Variants in KHDRBS2 observed in about 807,000 individuals in gnomAD.
KHDRBS2 encodes the protein KH RNA binding domain containing, signal transduction associated 2, also known as KH domain-containing, RNA-binding, signal transduction-associated protein 2.
In KHDRBS2, 26 loss-of-function variants were observed where a neutral mutation model predicts 44.3. That is an observed-to-expected ratio of 0.59 (90% confidence interval 0.43 to 0.81). KHDRBS2 has a LOEUF of 0.81. Ranked by LOEUF, KHDRBS2 falls within the 40% of genes least tolerant of loss-of-function variation. The probability of loss-of-function intolerance (pLI) is 0.00; values close to 1 mark genes in which losing one functional copy is unlikely to be tolerated. For missense variants in KHDRBS2, 476 were observed against 433.1 expected (o/e 1.10, Z -0.88); for synonymous variants, 194 against 151.1 (o/e 1.28, Z -2.08).
chr6:61,966,390 C>A (rs1334753750), intron 4 of KHDRBS2, among the ~76,000 whole-genome samples: 1 of 151,910 alleles, frequency 6.6e-6, no homozygotes, highest in South Asian at 2.1e-4. Context: ...TTTAATATTT[C>A]TTTCTCCCAT....
chr6:61,647,218 T>C, the KHDRBS2 span, among the ~76,000 whole-genome samples: 12 of 152,168 alleles, frequency 7.9e-5, no homozygotes, highest in Non-Finnish European at 1.2e-4. Context: ...AAAATGATGG[T>C]GAAAGTATTT....
chr6:62,270,733 T>G (rs1839957398), intron 1 of KHDRBS2, among the ~76,000 whole-genome samples: 1 of 152,062 alleles, frequency 6.6e-6, no homozygotes, highest in South Asian at 2.1e-4. Flanking sequence ...CCAAAGTAGA[T>G]AAGGAAAAAA....
chr6:61,578,504 T>C, the KHDRBS2 span, among the ~76,000 whole-genome samples: 2 of 152,252 alleles, frequency 1.3e-5, no homozygotes, highest in Admixed American at 1.3e-4. Flanking sequence ...GCAGTAAAGC[T>C]TTCAGTCGGG....
chr6:61,857,542 A>T (rs1796317796), intron 6 of KHDRBS2, among the ~76,000 whole-genome samples: 1 of 151,796 alleles, frequency 6.6e-6, no homozygotes, highest in Non-Finnish European at 1.5e-5. Context: ...ATAACTTATA[A>T]TCAATGTTTC....
chr6:61,613,578 C>T, the KHDRBS2 span, among the ~76,000 whole-genome samples: 1 of 152,124 alleles, frequency 6.6e-6, no homozygotes, highest in Admixed American at 6.6e-5. Context: ...TTCTTACACC[C>T]ACTCCCTACT....
intron 2 of KHDRBS2, among the ~76,000 whole-genome samples, chr6:62,106,787 T>A (rs1298565078): frequency 6.6e-6 from 1 of 152,136 alleles, no homozygotes. Flanking sequence ...GCTGGTTCAG[T>A]ATACACAAAT....
At chr6:61,825,898 A>G (rs1790788186) in intron 6 of KHDRBS2, among the ~76,000 whole-genome samples, 1 of 152,194 alleles carries the variant, frequency 6.6e-6, no homozygotes, top group Non-Finnish European at 1.5e-5. Context: ...AAAAATTTTT[A>G]GAGCAGTACC....
At chr6:61,708,893 C>A (rs968239924) in intron 7 of KHDRBS2, among the ~76,000 whole-genome samples, 1 of 151,574 alleles carries the variant, frequency 6.6e-6, no homozygotes, top group African/African-American at 2.4e-5. Context: ...ACTTGGAATA[C>A]AATCAGTACT....
At chr6:61,880,696 G>C (rs1276316609) in intron 6 of KHDRBS2, among the ~76,000 whole-genome samples, 1 of 151,876 alleles carries the variant, frequency 6.6e-6, no homozygotes, top group East Asian at 1.9e-4. Flanking sequence ...TAAATCCCCA[G>C]AAATATCTCC....
the KHDRBS2 span, among the ~76,000 whole-genome samples, chr6:61,660,483 A>G: frequency 6.6e-6 from 1 of 151,796 alleles, no homozygotes; most frequent in South Asian, 2.1e-4. Flanking sequence ...ACAATTTCCT[A>G]TCTCATTAAG....
chr6:61,742,506 C>T (rs1776282985), intron 6 of KHDRBS2, among the ~76,000 whole-genome samples: 1 of 151,924 alleles, frequency 6.6e-6, no homozygotes, highest in Non-Finnish European at 1.5e-5. Context: ...TAAAATGTTA[C>T]ATTCTATCTG....
At chr6:61,983,445 A>G (rs546389028) in intron 3 of KHDRBS2, among the ~76,000 whole-genome samples, 36 of 151,646 alleles carry the variant, frequency 2.4e-4, no homozygotes, top group Non-Finnish European at 4.0e-4. Flanking sequence ...TGATACTTAG[A>G]TTACAGGGTT....
At chr6:62,214,507 C>G (rs1251982497) in intron 1 of KHDRBS2, among the ~76,000 whole-genome samples, 1 of 147,398 alleles carries the variant, frequency 6.8e-6, no homozygotes, top group Non-Finnish European at 1.5e-5. Context: ...GACCAATCCT[C>G]CCACAGATAA....
intron 4 of KHDRBS2, among the ~76,000 whole-genome samples, chr6:61,942,227 C>A (rs769899975): frequency 2.0e-5 from 3 of 151,976 alleles, no homozygotes; most frequent in Non-Finnish European, 2.9e-5. Context: ...TCCCAAAGTG[C>A]TGATAATATA....
chr6:61,944,089 C>T (rs1320816871), intron 4 of KHDRBS2, among the ~76,000 whole-genome samples: 3 of 152,128 alleles, frequency 2.0e-5, no homozygotes, highest in Non-Finnish European at 4.4e-5. Context: ...AGTACAACCA[C>T]TATGGAAAAC....
At chr6:61,751,780 T>C (rs1777730648) in intron 6 of KHDRBS2, among the ~76,000 whole-genome samples, 1 of 152,132 alleles carries the variant, frequency 6.6e-6, no homozygotes, top group Admixed American at 6.5e-5. Context: ...TTAAACAACA[T>C]TCATTCATTT....
At chr6:61,732,142 TA>T (rs1207523420) in intron 7 of KHDRBS2, among the ~76,000 whole-genome samples, 7 of 152,060 alleles carry the variant, frequency 4.6e-5, no homozygotes, top group African/African-American at 1.7e-4. Context: ...AACATCTCAA[TA>T]AATCTGACTT....
In KHDRBS2 at chr6:62,073,650, T is replaced by C. The variant is rs1315724603; in HGVS notation, c.220-25656A>G. On this transcript the variant is annotated intron_variant, in intron 2 of 8. Transcript: ENST00000281156. ...TTTATTAAGGTGGAAGTTTAGTTCA[T>C]TGATGTGAGAACTTCCTTCTTTTTA... Among the ~76,000 whole-genome samples the C allele has an allele frequency of 4.0e-5, 6 of 151,530 alleles. No homozygotes were observed. In the Admixed American group the frequency reaches 4.0e-4, roughly 10 times the overall value.
rs545381283 is a variant in KHDRBS2 at position 62,092,751 on chromosome 6, G to T, written c.220-44757C>A. ...TGTAAAAAGCATTTAACAATGAAAGGGCAAGGTAATCACTTAATTTTCATT... is the reference window on the plus strand; with the variant it reads ...TGTAAAAAGCATTTAACAATGAAAGTGCAAGGTAATCACTTAATTTTCATT... On this transcript the variant is annotated intron_variant, in intron 2 of 8. Coordinates refer to ENST00000281156, the MANE Select transcript of KHDRBS2 (RefSeq NM_152688.4). Among the ~76,000 whole-genome samples, 12 of 152,172 alleles carry T rather than the reference G, an allele frequency of 7.9e-5. No individual in the cohort carries two copies. The South Asian group carries it at 2.5e-3, about 32-fold the overall frequency.
Sources: allele counts gnomAD v4.1 joint callset (sites outside exome capture counted in the v4.1 genomes callset), GRCh38; gene constraint gnomAD v4.1.1; transcripts MANE v1.5; gene names NCBI Gene and HGNC (gene_info 2026-07-23, HGNC 2026-07-21).